The following SLC30A8 variants were observed in gnomAD, a reference collection of about 807,000 sequenced individuals.
The protein encoded by SLC30A8 is proton-coupled zinc antiporter SLC30A8.
Under a neutral mutation model 36.9 loss-of-function variants are expected in SLC30A8, and 27 were observed. That is an observed-to-expected ratio of 0.73 (90% confidence interval 0.54 to 1.01). The LOEUF is 1.01. SLC30A8 is among the 50% of genes least tolerant of loss of function. SLC30A8 has a pLI of 0.00. For synonymous variants in SLC30A8, 164 were observed against 172.4 expected (o/e 0.95, Z 0.38); for missense variants, 439 against 452.0 (o/e 0.97, Z 0.26).
intron 1 of SLC30A8, chr8:117,006,964 T>G (rs1272104300): frequency 1.1e-5 from 1 of 88,866 alleles, no homozygotes; most frequent in African/African-American, 4.2e-5. Flanking sequence ...TGTTTTTTTT[T>G]TTTTTTTTTT....
chr8:117,027,017 G>A lies in SLC30A8; in HGVS notation c.-265-12202G>A, dbSNP rs1263376155. Among the ~76,000 whole-genome samples the A allele has an allele frequency of 2.0e-5, 3 of 152,074 alleles. No individual in the cohort carries two copies. In the East Asian group the frequency reaches 5.8e-4, roughly 29 times the overall value. ...TGAGGAGTAAAAGAGATGTCTGAAA[G>A]CCTGTTGTAATTTGTAAATGCCCAT... On this transcript the variant is annotated intron_variant, in intron 1 of 10. Coordinates refer to the SLC30A8 transcript ENST00000427715.
intron 1 of SLC30A8, among the ~76,000 whole-genome samples, chr8:117,037,552 G>A (rs1369586933): frequency 3.9e-5 from 6 of 152,026 alleles, no homozygotes; most frequent in Non-Finnish European, 7.4e-5. Context: ...TGACTCTATG[G>A]ATATTTCTAC....
At chr8:117,158,018 T>G (rs1822589413) in intron 4 of SLC30A8, among the ~76,000 whole-genome samples, 174 bp downstream of exon 4, 1 of 152,168 alleles carries the variant, frequency 6.6e-6, no homozygotes, top group Non-Finnish European at 1.5e-5. Flanking sequence ...AGCTAAAGTG[T>G]TTTTTAATAT....
At position 117,056,715 on chromosome 8, in the gene SLC30A8, CA is replaced by C. The variant is rs1463231466; in HGVS notation, c.-226+17458del. On this transcript the variant is annotated intron_variant, in intron 2 of 10. Transcript: ENST00000427715. Reference sequence around the variant, plus strand: ...TTAGTTTTTGGGGACAGAGAAGCAACAGACCACTTATAAGCCCTTTGGGGAA... The same window carrying C: ...TTAGTTTTTGGGGACAGAGAAGCAACGACCACTTATAAGCCCTTTGGGGAA... 4.6e-5 allele frequency among the ~76,000 whole-genome samples: 7 copies of C among 152,092 alleles called. No homozygotes were observed. In the South Asian group the frequency reaches 1.2e-3, roughly 27 times the overall value.
chr8:117,000,303 G>A (rs1815968979), intron 1 of SLC30A8, among the ~76,000 whole-genome samples: 1 of 152,162 alleles, frequency 6.6e-6, no homozygotes, highest in South Asian at 2.1e-4. Context: ...CTGGGCGAGG[G>A]CAAACATTTA....
intron 1 of SLC30A8, among the ~76,000 whole-genome samples, chr8:116,953,606 C>T (rs755784128): frequency 6.6e-6 from 1 of 152,146 alleles, no homozygotes; most frequent in Non-Finnish European, 1.5e-5. Flanking sequence ...CCTGTATTAC[C>T]TGGAACTTGC....
intron 1 of SLC30A8, among the ~76,000 whole-genome samples, chr8:116,965,315 A>T (rs1038776679): frequency 6.6e-6 from 1 of 152,236 alleles, no homozygotes; most frequent in Non-Finnish European, 1.5e-5. Flanking sequence ...GCTAAAATAC[A>T]AACTGAAGGA....
intron 1 of SLC30A8, among the ~76,000 whole-genome samples, chr8:117,140,114 G>A (rs1392645979): frequency 1.3e-5 from 2 of 151,862 alleles, no homozygotes; most frequent in African/African-American, 4.8e-5. Flanking sequence ...TTCACTAGAG[G>A]GGTTCAACAG....
chr8:117,150,217 TAAAG>T (rs1488735247), intron 2 of SLC30A8, among the ~76,000 whole-genome samples: 1 of 152,116 alleles, frequency 6.6e-6, no homozygotes, highest in Non-Finnish European at 1.5e-5. Context: ...ACAAAATAAT[TAAAG>T]AAGAATTTAA....
intron 2 of SLC30A8, among the ~76,000 whole-genome samples, chr8:117,095,512 G>T (rs11777797): frequency 1.3e-5 from 2 of 151,810 alleles, no homozygotes; most frequent in African/African-American, 2.4e-5. Context: ...TCTTAAAATG[G>T]GACTTTCTTG....
intron 1 of SLC30A8, among the ~76,000 whole-genome samples, chr8:116,951,628 G>T (rs1295719836): frequency 6.6e-6 from 1 of 151,962 alleles, no homozygotes; most frequent in East Asian, 2.0e-4. Context: ...CAACATGAGA[G>T]CCCAAATCCC....
intron 1 of SLC30A8, among the ~76,000 whole-genome samples, chr8:116,985,553 G>A (rs918863821): frequency 1.3e-5 from 2 of 151,922 alleles, no homozygotes; most frequent in African/African-American, 4.8e-5. Flanking sequence ...CAAGTATGAA[G>A]AATAAATTCT....
chr8:117,154,789 A>G (rs928295592), intron 3 of SLC30A8, among the ~76,000 whole-genome samples: 1 of 152,146 alleles, frequency 6.6e-6, no homozygotes, highest in Admixed American at 6.5e-5. Context: ...TAAACCTAGG[A>G]TGATTTGAAA....
At chr8:117,100,244 C>A (rs551542274) in intron 2 of SLC30A8, among the ~76,000 whole-genome samples, 2 of 152,074 alleles carry the variant, frequency 1.3e-5, no homozygotes, top group South Asian at 4.2e-4. Flanking sequence ...ATTATTGTCA[C>A]CAGTTAATAG....
chr8:116,985,910 T>G (rs1433484340), intron 1 of SLC30A8, among the ~76,000 whole-genome samples: 1 of 152,128 alleles, frequency 6.6e-6, no homozygotes, highest in African/African-American at 2.4e-5. Context: ...TCCTGTAAAA[T>G]TAAAATTGTT....
intron 2 of SLC30A8, among the ~76,000 whole-genome samples, chr8:117,058,643 A>G (rs938339470): frequency 6.6e-6 from 1 of 152,220 alleles, no homozygotes; most frequent in African/African-American, 2.4e-5. Flanking sequence ...AACTATGGTC[A>G]GTGAGCCAAA....
chr8:117,115,343 T>A (rs1820400479), intron 2 of SLC30A8, among the ~76,000 whole-genome samples: 1 of 152,090 alleles, frequency 6.6e-6, no homozygotes, highest in African/African-American at 2.4e-5. Context: ...CCCAGCATCA[T>A]CCCTGTCTGC....
chr8:117,056,991 A>G (rs1456512914), intron 2 of SLC30A8, among the ~76,000 whole-genome samples: 1 of 152,218 alleles, frequency 6.6e-6, no homozygotes, highest in East Asian at 1.9e-4. Flanking sequence ...TCTCACTTGT[A>G]TAATGAGGAT....
At chr8:117,169,166 T>C (rs1181870139) in intron 6 of SLC30A8, among the ~76,000 whole-genome samples, 1 of 152,104 alleles carries the variant, frequency 6.6e-6, no homozygotes, top group Non-Finnish European at 1.5e-5. Flanking sequence ...TAGAGTAAAA[T>C]AGCATGATAA....
Sources: allele counts gnomAD v4.1 joint callset (sites outside exome capture counted in the v4.1 genomes callset), GRCh38; gene constraint gnomAD v4.1.1; transcripts MANE v1.5; gene names NCBI Gene and HGNC (gene_info 2026-07-23, HGNC 2026-07-21).